The following FAM169A variants were observed in gnomAD, a reference collection of about 807,000 sequenced individuals.
FAM169A encodes soluble lamin-associated protein of 75 kDa.
FAM169A carries 24 observed loss-of-function variants against 75.7 expected under a neutral mutation model. The ratio of observed to expected loss-of-function variants is 0.32; its 90% CI spans 0.23 to 0.45. The LOEUF is 0.45. Among genes scored for constraint, FAM169A ranks in the 20% least tolerant of loss-of-function variants. The pLI is 1.00. For synonymous variants in FAM169A, 271 were observed against 271.0 expected (o/e 1.00, Z 0.00); for missense variants, 673 against 784.0 (o/e 0.86, Z 1.69).
At chr5:74,827,930 T>A (rs540182434) in intron 5 of FAM169A, among the ~76,000 whole-genome samples, 55 of 152,212 alleles carry the variant, frequency 3.6e-4, no homozygotes, top group Middle Eastern at 3.4e-3. Flanking sequence ...CCTCCCAAAG[T>A]GCTGGAATTA....
At chr5:74,807,731 C>T (rs1470700672) in intron 6 of FAM169A, among the ~76,000 whole-genome samples, 2 of 152,144 alleles carry the variant, frequency 1.3e-5, no homozygotes, top group African/African-American at 4.8e-5. Context: ...ATTATGGCTA[C>T]CTAAATCAAC....
At chr5:74,847,138 G>A (rs1749196397) in intron 1 of FAM169A, among the ~76,000 whole-genome samples, 1 of 152,018 alleles carries the variant, frequency 6.6e-6, no homozygotes, top group Non-Finnish European at 1.5e-5. Context: ...TATAATTGTG[G>A]TAAAATATAC....
chr5:74,864,565 G>C (rs1353772115), intron 1 of FAM169A, among the ~76,000 whole-genome samples: 2 of 152,186 alleles, frequency 1.3e-5, no homozygotes, highest in East Asian at 3.8e-4. Flanking sequence ...CACTTGTAAT[G>C]ACATGAATAC....
At chr5:74,834,717 T>C in intron 4 of FAM169A, 120 bp from the exon 5 acceptor site, 1 of 717,404 alleles carries the variant, frequency 1.4e-6, no homozygotes, top group Non-Finnish European at 2.0e-6. Context: ...TCAAATGCAT[T>C]CAAAAAAATT....
At chr5:74,784,816 G>A (rs558335580) in intron 11 of FAM169A, among the ~76,000 whole-genome samples, 2 of 150,790 alleles carry the variant, frequency 1.3e-5, no homozygotes, top group East Asian at 2.0e-4. Context: ...CTACTCGGGA[G>A]GCTGAGGCAG....
intron 1 of FAM169A, among the ~76,000 whole-genome samples, chr5:74,843,199 A>G (rs1215734939): frequency 6.6e-6 from 1 of 152,184 alleles, no homozygotes; most frequent in East Asian, 1.9e-4. Flanking sequence ...AAGGAAAACT[A>G]CAAAACATTC....
At chr5:74,830,816 A>T (rs773681170) in intron 5 of FAM169A, among the ~76,000 whole-genome samples, 8 of 152,218 alleles carry the variant, frequency 5.3e-5, no homozygotes, top group Non-Finnish European at 8.8e-5. Flanking sequence ...GACCCAAAAT[A>T]TTGATATATA....
At chr5:74,834,693 G>C (rs556335271) in intron 4 of FAM169A, 96 bp from the exon 5 acceptor site, 7 of 993,366 alleles carry the variant, frequency 7.0e-6, no homozygotes, top group South Asian at 3.1e-5. Flanking sequence ...CCTCATACTG[G>C]AATTCAAAGC....
intron 1 of FAM169A, among the ~76,000 whole-genome samples, chr5:74,849,753 A>G (rs16872333): frequency 0.23 from 35,485 of 151,180 alleles, 4,389 homozygotes; most frequent in Middle Eastern, 0.3. Context: ...TTCTTCCATC[A>G]CTCCTGCCCT....
At chr5:74,813,817 A>G (rs1241624833) in intron 6 of FAM169A, 23 bp downstream of exon 6, 8 of 1,478,582 alleles carry the variant, frequency 5.4e-6, no homozygotes, top group Non-Finnish European at 7.2e-6. Context: ...CAAGTTTATT[A>G]TTTTTTAACT....
At chr5:74,850,636 G>C (rs930472375) in intron 1 of FAM169A, among the ~76,000 whole-genome samples, 2 of 152,166 alleles carry the variant, frequency 1.3e-5, no homozygotes, top group Non-Finnish European at 2.9e-5. Context: ...AGAACACATA[G>C]AGGAAAATTC....
chr5:74,855,426 G>A (rs1295557107), intron 1 of FAM169A, among the ~76,000 whole-genome samples: 1 of 152,162 alleles, frequency 6.6e-6, no homozygotes, highest in African/African-American at 2.4e-5. Context: ...TCGAATTCCT[G>A]AGCTCGAGCA....
At chr5:74,799,787 TG>T in intron 10 of FAM169A, 1 of 1,109,308 alleles carries the variant, frequency 9.0e-7, no homozygotes, top group Non-Finnish European at 1.4e-6. Flanking sequence ...CTGCTGGCCA[TG>T]ACTGCTGACC....
intron 1 of FAM169A, among the ~76,000 whole-genome samples, chr5:74,854,872 G>T (rs1025443490): frequency 6.6e-6 from 1 of 152,096 alleles, no homozygotes; most frequent in Non-Finnish European, 1.5e-5. Context: ...TGACACTCAC[G>T]TTGCTTTCAA....
At chr5:74,809,520 T>C (rs754948010) in intron 6 of FAM169A, among the ~76,000 whole-genome samples, 9 of 151,850 alleles carry the variant, frequency 5.9e-5, no homozygotes, top group Non-Finnish European at 8.8e-5. Context: ...GGCGTGAACA[T>C]GGGAGGCAGA....
At chr5:74,802,742 A>C (rs958398180) in intron 8 of FAM169A, among the ~76,000 whole-genome samples, 1 of 152,176 alleles carries the variant, frequency 6.6e-6, no homozygotes, top group Admixed American at 6.5e-5. Context: ...ATGCTTACTA[A>C]AACTCCACAA....
chr5:74,843,858 G>A (rs1362971412), intron 1 of FAM169A, among the ~76,000 whole-genome samples: 1 of 152,166 alleles, frequency 6.6e-6, no homozygotes, highest in Non-Finnish European at 1.5e-5. Flanking sequence ...GACTTACGTG[G>A]TCATGGTTGT....
intron 5 of FAM169A, among the ~76,000 whole-genome samples, chr5:74,829,629 G>T (rs879797459): frequency 2.0e-5 from 3 of 152,102 alleles, no homozygotes; most frequent in Non-Finnish European, 2.9e-5. Flanking sequence ...CTGCACTCCA[G>T]CCTGGGCAAC....
At chr5:74,793,429 C>G (rs940336634) in intron 11 of FAM169A, among the ~76,000 whole-genome samples, 1 of 151,812 alleles carries the variant, frequency 6.6e-6, no homozygotes, top group African/African-American at 2.4e-5. Context: ...GAGTTGGAGA[C>G]CATTATTCTA....
Sources: gnomAD v4.1 joint callset for allele counts (sites outside exome capture counted in the v4.1 genomes callset) on GRCh38, gnomAD v4.1.1 for gene constraint, MANE v1.5 for transcripts, NCBI Gene and HGNC (gene_info 2026-07-23, HGNC 2026-07-21) for gene names.